The following EYS variants were observed in gnomAD, a reference collection of about 807,000 sequenced individuals.
EYS encodes protein eyes shut homolog.
Under a neutral mutation model 282.1 loss-of-function variants are expected in EYS, and 250 were observed. That is an observed-to-expected ratio of 0.89 (90% confidence interval 0.80 to 0.98). EYS has a LOEUF of 0.98. EYS is among the 50% of genes least tolerant of loss of function. EYS has a pLI of 0.00. For synonymous variants in EYS, 1,355 were observed against 1,282.9 expected, an observed-to-expected ratio of 1.06 and a Z score of -1.20; for missense variants, 4,016 against 3,709.0, an observed-to-expected ratio of 1.08 and a Z score of -2.15.
intron 30 of EYS, among the ~76,000 whole-genome samples, chr6:64,243,900 G>C (rs1766920392): frequency 6.6e-6 from 1 of 152,126 alleles, no homozygotes; most frequent in Non-Finnish European, 1.5e-5. Context: ...GTTGTTTCAA[G>C]TTTTTCAAGT....
chr6:64,545,873 G>A (rs1764844609), intron 26 of EYS, among the ~76,000 whole-genome samples: 1 of 152,082 alleles, frequency 6.6e-6, no homozygotes. Flanking sequence ...AATAAAAGAG[G>A]ATACAAACAA....
intron 14 of EYS, among the ~76,000 whole-genome samples, chr6:64,963,245 T>G (rs1373422922): frequency 6.6e-6 from 1 of 152,200 alleles, no homozygotes; most frequent in Admixed American, 6.6e-5. Flanking sequence ...AGCAAAATAT[T>G]AATTTACAAA....
intron 26 of EYS, among the ~76,000 whole-genome samples, chr6:64,471,727 A>C (rs1232007978): frequency 6.6e-6 from 1 of 152,178 alleles, no homozygotes; most frequent in Non-Finnish European, 1.5e-5. Flanking sequence ...AGAACTAGAA[A>C]ATAGCAATGC....
chr6:64,309,181 C>A (rs1769576951), intron 29 of EYS, among the ~76,000 whole-genome samples: 1 of 151,956 alleles, frequency 6.6e-6, no homozygotes, highest in Admixed American at 6.6e-5. Flanking sequence ...ATATTTTTCT[C>A]TGTTAAGATC....
At chr6:64,865,236 T>C (rs1237394609) in intron 19 of EYS, among the ~76,000 whole-genome samples, 1 of 152,060 alleles carries the variant, frequency 6.6e-6, no homozygotes, top group East Asian at 1.9e-4. Flanking sequence ...AAATAAAAAA[T>C]TGCATATATA....
At chr6:64,424,905 A>C (rs1774353050) in intron 28 of EYS, among the ~76,000 whole-genome samples, 1 of 152,202 alleles carries the variant, frequency 6.6e-6, no homozygotes, top group African/African-American at 2.4e-5. Context: ...TAGACAGAAC[A>C]GTTAAGGAGG....
In EYS at chr6:63,778,076, G is replaced by C. The variant is rs1770110672; in HGVS notation, c.7828C>G (p.His2610Asp). Residue 2610 changes from histidine (H) to aspartate (D), a missense_variant, in exon 40 of 43, where the codon CAT becomes GAT. Coordinates refer to ENST00000503581, the MANE Select transcript of EYS (RefSeq NM_001142800.2). ...PNAGRSVGQC[H>D]ASPCSLMKCG... ...TTCATTAAACTGCAGGGAGAAGCAT[G>C]ACACTGGCCAACACTGCGTCCAGCA... 6.4e-7 allele frequency: 1 copy of C among 1,551,606 alleles called. No homozygotes were observed. The highest frequency in any genetic ancestry group is 8.7e-7 in the Non-Finnish European group (1 of 1,146,962).
At chr6:64,379,961 T>G (rs1428647753) in intron 29 of EYS, among the ~76,000 whole-genome samples, 7 of 152,178 alleles carry the variant, frequency 4.6e-5, no homozygotes, top group African/African-American at 1.7e-4. Flanking sequence ...AAACTCATTA[T>G]TTTTTGGCAG....
rs1201033591 is a variant in EYS at position 64,438,772 on chromosome 6, C to T, written c.5835+390G>A. 4.0e-5 allele frequency among the ~76,000 whole-genome samples: 6 copies of T among 151,678 alleles called. No individual in the cohort carries two copies. The East Asian group carries it at 9.6e-4, about 24-fold the overall frequency. On this transcript the variant is annotated intron_variant, in intron 27 of 42. Coordinates refer to ENST00000503581, the MANE Select transcript of EYS (RefSeq NM_001142800.2). ...AATTTTTCTCCGTATAGTATATGAGCTTCTTAAGAACACTCTCTTGTCTTC... is the reference window on the plus strand; with the variant it reads ...AATTTTTCTCCGTATAGTATATGAGTTTCTTAAGAACACTCTCTTGTCTTC...
intron 1 of EYS, among the ~76,000 whole-genome samples, chr6:65,653,486 A>T (rs1265857636): frequency 6.6e-6 from 1 of 151,980 alleles, no homozygotes; most frequent in African/African-American, 2.4e-5. Flanking sequence ...CCACTGAGAC[A>T]ATTAAATTTC....
intron 31 of EYS, among the ~76,000 whole-genome samples, chr6:64,109,322 T>A (rs1582281447): frequency 6.6e-6 from 1 of 152,146 alleles, no homozygotes; most frequent in East Asian, 1.9e-4. Flanking sequence ...TTTTTTACTT[T>A]CTTCAACCTT....
At chr6:65,184,004 T>C (rs1214707275) in intron 12 of EYS, among the ~76,000 whole-genome samples, 1 of 148,248 alleles carries the variant, frequency 6.7e-6, no homozygotes, top group Non-Finnish European at 1.5e-5. Context: ...AACATAATTA[T>C]ATCATTTGAC....
intron 35 of EYS, among the ~76,000 whole-genome samples, chr6:63,969,553 T>A (rs949438107): frequency 2.6e-5 from 4 of 152,216 alleles, no homozygotes; most frequent in African/African-American, 9.6e-5. Context: ...CCTCAAGCAG[T>A]ACTATTAGGA....
At chr6:63,849,153 C>G (rs1468299077) in intron 36 of EYS, among the ~76,000 whole-genome samples, 1 of 152,170 alleles carries the variant, frequency 6.6e-6, no homozygotes, top group African/African-American at 2.4e-5. Context: ...CCTCTCTGGG[C>G]AGGGCATCTT....
intron 32 of EYS, among the ~76,000 whole-genome samples, chr6:64,079,449 T>G (rs868260271): frequency 6.6e-6 from 1 of 152,178 alleles, no homozygotes; most frequent in Non-Finnish European, 1.5e-5. Context: ...AAATCTTTTA[T>G]GTATTTTGTT....
intron 32 of EYS, among the ~76,000 whole-genome samples, chr6:64,071,905 G>C (rs1771594770): frequency 1.3e-5 from 2 of 151,464 alleles, no homozygotes; most frequent in African/African-American, 2.4e-5. Context: ...CTCTCGCACT[G>C]GACAAAGATG....
At position 64,444,609 on chromosome 6, in the gene EYS, A is replaced by G. The variant is rs573435651; in HGVS notation, c.5645-5257T>C. ...GAGAGTATGCTGGATTTATCATTCT[A>G]TTCCAAGAACCTAGCATGATACATG... On this transcript the variant is annotated intron_variant, in intron 26 of 42. Coordinates refer to ENST00000503581, the MANE Select transcript of EYS (RefSeq NM_001142800.2). 1.7e-4 allele frequency among the ~76,000 whole-genome samples: 26 copies of G among 152,310 alleles called. No homozygotes were observed. The East Asian group carries it at 5.0e-3, about 29-fold the overall frequency.
intron 19 of EYS, among the ~76,000 whole-genome samples, chr6:64,827,732 G>A (rs75290385): frequency 0.041 from 6,202 of 151,706 alleles, 162 homozygotes; most frequent in East Asian, 0.1. Flanking sequence ...TTTTGTAAAC[G>A]TTTCTTATTA....
chr6:64,464,144 C>A (rs575059074), intron 26 of EYS, among the ~76,000 whole-genome samples: 1 of 152,130 alleles, frequency 6.6e-6, no homozygotes, highest in South Asian at 2.1e-4. Context: ...ATGGTTCAAC[C>A]TACCCAAATC....
Sources: gnomAD v4.1 joint callset for allele counts (sites outside exome capture counted in the v4.1 genomes callset) on GRCh38, gnomAD v4.1.1 for gene constraint, MANE v1.5 for transcripts, NCBI Gene and HGNC (gene_info 2026-07-23, HGNC 2026-07-21) for gene names.